DNAI4: variants seen among roughly 807,000 people sequenced by gnomAD.
DNAI4 encodes the protein WD repeat domain 78.
A neutral mutation model predicts 105.8 loss-of-function variants in DNAI4; 85 were observed. That is an observed-to-expected ratio of 0.80 (90% CI 0.67 to 0.96). The LOEUF (loss-of-function observed/expected upper bound fraction) is 0.96, where lower values mean the gene tolerates loss of function less well. DNAI4 is among the 40% of genes least tolerant of loss of function. The pLI is 0.00. For missense variants in DNAI4, 1,014 were observed against 1,005.6 expected (o/e 1.01, Z -0.11); for synonymous variants, 352 against 331.5 (o/e 1.06, Z -0.67).
At position 66,820,028 on chromosome 1, in the gene DNAI4, T is replaced by C. The variant is rs149072231; in HGVS notation, c.2496+2333A>G. ...ATTCACTTAAACATTTTAAGACATT[T>C]GAATAAGAATGGAATTTTCTTTTAA... is the stretch of plus-strand genomic sequence containing the variant. On this transcript the variant is annotated intron_variant, in intron 16 of 16. Coordinates refer to ENST00000371026, the MANE Select transcript of DNAI4 (RefSeq NM_024763.5). Among the ~76,000 whole-genome samples, 31 of 152,286 alleles carry C rather than the reference T, an allele frequency of 2.0e-4. No homozygotes were observed. In the East Asian group the frequency reaches 4.2e-3, roughly 21 times the overall value.
chr1:66,863,421 G>A (rs1053223949), intron 6 of DNAI4, among the ~76,000 whole-genome samples: 7 of 152,034 alleles, frequency 4.6e-5, no homozygotes, highest in African/African-American at 7.2e-5. Flanking sequence ...TTTTCAATCG[G>A]TAATAATCGG....
intron 6 of DNAI4, among the ~76,000 whole-genome samples, chr1:66,868,277 A>G (rs1646773064): frequency 6.6e-6 from 1 of 152,238 alleles, no homozygotes; most frequent in Non-Finnish European, 1.5e-5. Flanking sequence ...AAAACTACAA[A>G]ATATCCTCAT....
intron 7 of DNAI4, among the ~76,000 whole-genome samples, chr1:66,860,242 A>G (rs1027522771): frequency 3.9e-5 from 6 of 152,126 alleles, no homozygotes; most frequent in Non-Finnish European, 5.9e-5. Context: ...TTCAAAGGCA[A>G]ATATTATTGG....
Position 66,905,362 on chromosome 1 carries a change from G to A in DNAI4, c.184C>T (p.Gln62Ter). Residue 62 changes from glutamine (Q) to a stop codon, truncating the protein, a stop_gained, in exon 2 of 17, where the codon CAA becomes TAA. Transcript: ENST00000371026. LOFTEE classifies it high-confidence loss of function. ...AAAAAGCTAATAGACTTCTTTGGTT[G>A]TGTGGCATTGTTCCTATATAAGAAA... ...QQNFGLNNAT[Q>*]PKKSISFFAT... is the part of the protein sequence containing the mutation. 6.8e-7 allele frequency: 1 copy of A among 1,469,656 alleles called. No homozygotes were observed. Among genetic ancestry groups the A allele is most frequent in the Non-Finnish European group, 9.1e-7 (1 of 1,093,958 alleles). The allele number at this position is 1,469,656 out of a possible 1,614,324, so 91.0% of individuals were successfully genotyped here. A position where few individuals can be genotyped will look rare whatever the true frequency, so the allele number is the denominator to read the frequency against.
intron 2 of DNAI4, among the ~76,000 whole-genome samples, chr1:66,901,015 T>C (rs1459646629): frequency 6.6e-6 from 1 of 152,234 alleles, no homozygotes; most frequent in Non-Finnish European, 1.5e-5. Context: ...GTGGGGTTTT[T>C]GTGAATCCTT....
At chr1:66,884,792 A>G (rs546765380) in intron 4 of DNAI4, among the ~76,000 whole-genome samples, 2 of 152,328 alleles carry the variant, frequency 1.3e-5, no homozygotes, top group Admixed American at 1.3e-4. Flanking sequence ...CCAACTGCAG[A>G]TACCAAATAG....
chr1:66,814,226 TA>T, intron 16 of DNAI4, 46 bp from the exon 17 acceptor site: 1 of 1,465,012 alleles, frequency 6.8e-7, no homozygotes, highest in East Asian at 2.3e-5. Context: ...AAATGCAAAT[TA>T]AAAGGTAAAG....
In DNAI4 at chr1:66,909,285, T is replaced by TACACACACACACACACACACACAC. The variant is rs71058481; in HGVS notation, c.171-3934_171-3911dup. 8.0e-3 allele frequency among the ~76,000 whole-genome samples: 1,070 copies of TACACACACACACACACACACACAC among 134,484 alleles called. 29 individuals are homozygous for TACACACACACACACACACACACAC. Among genetic ancestry groups the TACACACACACACACACACACACAC allele is most frequent in the Middle Eastern group, 0.011 (3 of 274 alleles). The allele number at this position is 134,484 out of a possible 152,430, so 88.2% of individuals were successfully genotyped here. A position where few individuals can be genotyped will look rare whatever the true frequency, so the allele number is the denominator to read the frequency against. On this transcript the variant is annotated intron_variant, in intron 1 of 16. Transcript: ENST00000371026. The stretch of plus-strand genomic sequence containing the variant: ...CCTATTTATTGTTGCCACCTCTCTC[T>TACACACACACACACACACACACAC]ACACACACACACACACACACACACA...
chr1:66,834,505 T>A (rs1362606945), intron 11 of DNAI4, among the ~76,000 whole-genome samples: 2 of 152,108 alleles, frequency 1.3e-5, no homozygotes, highest in African/African-American at 4.8e-5. Flanking sequence ...TTTAGACACA[T>A]GGAATATAAG....
At chr1:66,837,576 A>T in intron 10 of DNAI4, 134 bp downstream of exon 10, 1 of 1,072,866 alleles carries the variant, frequency 9.3e-7, no homozygotes, top group Non-Finnish European at 1.3e-6. Context: ...AATTGCTATG[A>T]AGTTAAACCA....
chr1:66,912,430 T>C (rs921561626), intron 1 of DNAI4, among the ~76,000 whole-genome samples: 5 of 151,800 alleles, frequency 3.3e-5, no homozygotes, highest in South Asian at 2.1e-4. Flanking sequence ...GATCACACCA[T>C]TGCACTCCAG....
At chr1:66,860,732 A>G (rs1335361077) in intron 7 of DNAI4, 5 of 152,114 alleles carry the variant, frequency 3.3e-5, no homozygotes, top group African/African-American at 9.7e-5. Context: ...TTGTAGGTCA[A>G]TGGCCTTAAT....
At position 66,905,279 on chromosome 1, in the gene DNAI4, C is replaced by A; in HGVS notation, c.267G>T (p.Met89Ile). Reference sequence around the variant, plus strand: ...GAATAAGCACGGTTTTGGACACAGCCATTCTGCTTTGATTTGCACCAGTAT... The same window carrying A: ...GAATAAGCACGGTTTTGGACACAGCAATTCTGCTTTGATTTGCACCAGTAT... ...KGYTGANQSR[M>I]AVSKTVLIPP... Residue 89 changes from methionine to isoleucine, a missense_variant, in exon 2 of 17, where the codon ATG becomes ATT. By Grantham distance (10) the Met-to-Ile change is conservative. Transcript: ENST00000371026. 1 of 1,586,132 alleles carries A rather than the reference C, an allele frequency of 6.3e-7. No homozygotes were observed. The highest frequency in any genetic ancestry group is 8.6e-7 in the Non-Finnish European group (1 of 1,161,270).
chr1:66,887,569 CAT>C (rs1647258700), intron 4 of DNAI4, among the ~76,000 whole-genome samples: 1 of 151,922 alleles, frequency 6.6e-6, no homozygotes, highest in African/African-American at 2.4e-5. Context: ...AGTTGTTAAA[CAT>C]AGACATTACT....
In DNAI4 at chr1:66,835,777, A is replaced by T. The variant is rs763438950; in HGVS notation, c.1582T>A (p.Trp528Arg). 1.2e-6 allele frequency: 2 copies of T among 1,613,234 alleles called. No homozygotes were observed. The highest frequency in any genetic ancestry group is 1.7e-5 in the Admixed American group (1 of 59,798). Residue 528 changes from tryptophan (W) to arginine (R), a missense_variant and splice_region_variant, in exon 11 of 17, where the codon TGG (tryptophan) becomes AGG (arginine). Coordinates refer to ENST00000371026, the MANE Select transcript of DNAI4 (RefSeq NM_024763.5). ...GGACTCTGATAAATACGTTCTGGCCACTAAATTTTAAAAAATTACATTTTC... is the reference window on the plus strand; with the variant it reads ...GGACTCTGATAAATACGTTCTGGCCTCTAAATTTTAAAAAATTACATTTTC... ...ACCWSIKNPMWPERIYQSPYG... is the reference protein window; with the variant it reads ...ACCWSIKNPMRPERIYQSPYG...
intron 4 of DNAI4, among the ~76,000 whole-genome samples, chr1:66,875,189 G>A (rs1646935197): frequency 6.6e-6 from 1 of 151,956 alleles, no homozygotes. Context: ...TAACTCTAAG[G>A]GTATTCCATT....
At chr1:66,891,068 T>G (rs772993816) in intron 4 of DNAI4, 86 bp downstream of exon 4, 3 of 1,037,300 alleles carry the variant, frequency 2.9e-6, no homozygotes, top group Non-Finnish European at 4.5e-6. Flanking sequence ...TTACCATATT[T>G]CTTTTATCTC....
Position 66,891,172 on chromosome 1 carries a change from T to C in DNAI4, c.625A>G (p.Arg209Gly), listed in dbSNP as rs967094476. Reference protein sequence around the residue: ...DLEEPSYKRERLTSFTDLQVI... With the variant: ...DLEEPSYKREGLTSFTDLQVI... ...TCATTACCTGTGAAACTAGTCAATC[T>C]TTCCCGTTTATAGGATGGTTCTTCC... The change falls in exon 4 of 17, where the codon AGA (arginine) becomes GGA (glycine). Residue 209 changes from arginine (R) to glycine (G), a missense_variant. Coordinates refer to ENST00000371026, the MANE Select transcript of DNAI4 (RefSeq NM_024763.5). 2 of 1,612,766 alleles carry C rather than the reference T, an allele frequency of 1.2e-6. No homozygotes were observed. Among genetic ancestry groups the C allele is most frequent in the Non-Finnish European group, 1.7e-6 (2 of 1,179,000 alleles).
At chr1:66,873,803 C>T (rs1454783930) in intron 5 of DNAI4, among the ~76,000 whole-genome samples, 1 of 151,546 alleles carries the variant, frequency 6.6e-6, no homozygotes, top group Non-Finnish European at 1.5e-5. Flanking sequence ...GCATTTCTCC[C>T]CTTCTGATTT....
Sources: gnomAD v4.1 joint callset for allele counts (sites outside exome capture counted in the v4.1 genomes callset) on GRCh38, gnomAD v4.1.1 for gene constraint, MANE v1.5 for transcripts, NCBI Gene and HGNC (gene_info 2026-07-23, HGNC 2026-07-21) for gene names.